The following CYB5R4 variants were observed in gnomAD, a reference collection of about 807,000 sequenced individuals.
CYB5R4 encodes the protein cytochrome b5 reductase 4, also known as N-terminal cytochrome b5 and cytochrome b5 oxidoreductase domain-containing protein.
CYB5R4 carries 55 observed loss-of-function variants against 70.2 expected under a neutral mutation model. That is an observed-to-expected ratio of 0.78 (90% CI 0.63 to 0.98). The LOEUF is 0.98. CYB5R4 is among the 50% of genes least tolerant of loss of function. CYB5R4 has a pLI of 0.00. For missense variants in CYB5R4, 562 were observed against 612.6 expected (o/e 0.92, Z 0.87); for synonymous variants, 197 against 199.5 (o/e 0.99, Z 0.11).
chr6:83,895,362 C>T (rs1056933657), intron 3 of CYB5R4, among the ~76,000 whole-genome samples: 2 of 152,024 alleles, frequency 1.3e-5, no homozygotes, highest in Admixed American at 1.3e-4. Context: ...GATGGGGTTT[C>T]GCCACGTTGA....
At chr6:83,936,484 T>C in intron 12 of CYB5R4, 108 bp downstream of exon 12, 1 of 943,450 alleles carries the variant, frequency 1.1e-6, no homozygotes, top group Non-Finnish European at 1.6e-6. Context: ...ACTCAACATG[T>C]CTACAACCAA....
Position 83,911,209 on chromosome 6 carries a change from A to G in CYB5R4, c.412+2119A>G, listed in dbSNP as rs1360227461. On this transcript the variant is annotated intron_variant, in intron 4 of 15. Coordinates refer to ENST00000369681, the MANE Select transcript of CYB5R4 (RefSeq NM_016230.4). ...TGCTTGAGCCCAGGATTTTGAGACT[A>G]GCTTGGGCAATATAGTGAAACTCTG... Among the ~76,000 whole-genome samples, 3 of 152,158 alleles carry G rather than the reference A, an allele frequency of 2.0e-5. No individual in the cohort carries two copies. In the East Asian group the frequency reaches 5.8e-4, roughly 29 times the overall value.
chr6:83,870,971 C>CTTTTTTTTTTTTTTTTTTT (rs759131653), intron 2 of CYB5R4, among the ~76,000 whole-genome samples: 1 of 88,618 alleles, frequency 1.1e-5, no homozygotes, highest in African/African-American at 4.9e-5. Flanking sequence ...TCATTGTTTG[C>CTTTTTTTTTTTTTTTTTTT]TTTTTTTTTT....
chr6:83,901,690 C>G (rs932786645), intron 3 of CYB5R4, among the ~76,000 whole-genome samples: 1 of 144,622 alleles, frequency 6.9e-6, no homozygotes, highest in Non-Finnish European at 1.5e-5. Context: ...TCCTCACCAG[C>G]GTCTATTATT....
intron 10 of CYB5R4, among the ~76,000 whole-genome samples, chr6:83,931,062 G>A (rs1048534450): frequency 6.6e-6 from 1 of 152,146 alleles, no homozygotes; most frequent in African/African-American, 2.4e-5. Flanking sequence ...TCAGCAATAA[G>A]CCTATTTCGC....
intron 11 of CYB5R4, 93 bp from the exon 12 acceptor site, chr6:83,936,131 T>A (rs933773422): frequency 3.9e-5 from 33 of 846,572 alleles, no homozygotes; most frequent in Middle Eastern, 3.6e-4. Context: ...GTTTTAAATA[T>A]ATACTGATAG....
At position 83,964,797 on chromosome 6, in the gene CYB5R4, C is replaced by T. The variant is rs2099473826; in HGVS notation, c.*4919C>T. 2 of 152,170 alleles carry T rather than the reference C, an allele frequency of 1.3e-5. No individual in the cohort carries two copies. The highest frequency in any genetic ancestry group is 6.5e-5 in the Admixed American group (1 of 15,272). The allele number at this position is 152,170 out of a possible 1,614,324, so 9.4% of individuals were successfully genotyped here. On this transcript the variant is annotated 3_prime_UTR_variant, in exon 16 of 16. Transcript: ENST00000369681. ...AAAATGGTAAAAATGGTTTTGTGGGCAAGGCCTAGGGTCCTTGTGCTGTGT... is the reference window on the plus strand; with the variant it reads ...AAAATGGTAAAAATGGTTTTGTGGGTAAGGCCTAGGGTCCTTGTGCTGTGT...
chr6:83,899,629 G>A (rs189698962), intron 3 of CYB5R4, among the ~76,000 whole-genome samples: 205 of 152,206 alleles, frequency 1.3e-3, no homozygotes, highest in African/African-American at 4.6e-3. Flanking sequence ...ATTAATTATT[G>A]CCTCAATTTC....
rs942942623 is a variant in CYB5R4, at chr6:83,922,307, G to T, written c.659-131G>T. The T allele has an allele frequency of 7.1e-6, 4 of 560,072 alleles. No homozygotes were observed. The Admixed American group carries it at 1.5e-4, about 21-fold the overall frequency. The allele number at this position is 560,072 out of a possible 1,614,324, so 34.7% of individuals were successfully genotyped here. A position where few individuals can be genotyped will look rare whatever the true frequency, so the allele number is the denominator to read the frequency against. On this transcript the variant is annotated intron_variant, in intron 8 of 15. Transcript: ENST00000369681. The stretch of plus-strand genomic sequence containing the variant: ...TATTTTGATTGTGTAAAATTGTTTT[G>T]GTCTTTCAGAACACGTTTTGTCTTG...
At chr6:83,957,777 A>C in intron 15 of CYB5R4, among the ~76,000 whole-genome samples, 1 of 152,016 alleles carries the variant, frequency 6.6e-6, no homozygotes, top group East Asian at 1.9e-4. Flanking sequence ...TCCTGCTATT[A>C]CTCACTCCTG....
intron 10 of CYB5R4, among the ~76,000 whole-genome samples, chr6:83,926,894 C>CT (rs2099467382): frequency 6.6e-6 from 1 of 152,162 alleles, no homozygotes; most frequent in Non-Finnish European, 1.5e-5. Context: ...GCCAGAGGTA[C>CT]TTGGTCCTGC....
intron 15 of CYB5R4, among the ~76,000 whole-genome samples, chr6:83,957,561 G>A (rs868042847): frequency 2.9e-4 from 41 of 142,996 alleles, no homozygotes; most frequent in Middle Eastern, 3.8e-3. Flanking sequence ...GCGGAGGTTG[G>A]CAATGAGCCA....
At chr6:83,934,396 G>A (rs986614296) in intron 10 of CYB5R4, among the ~76,000 whole-genome samples, 199 bp from the exon 11 acceptor site, 1 of 152,018 alleles carries the variant, frequency 6.6e-6, no homozygotes, top group African/African-American at 2.4e-5. Flanking sequence ...GTATTTACAG[G>A]TCTTGGTCAA....
chr6:83,884,465 A>G (rs1016574170), intron 2 of CYB5R4, among the ~76,000 whole-genome samples: 6 of 152,144 alleles, frequency 3.9e-5, no homozygotes, highest in Admixed American at 3.3e-4. Context: ...AAAAAGGGTC[A>G]TTTCATTAGG....
At position 83,966,327 on chromosome 6, in the gene CYB5R4, A is replaced by G. The variant is rs1295448510; in HGVS notation, c.*6449A>G. The G allele has an allele frequency of 3.3e-5, 5 of 152,346 alleles. No individual in the cohort carries two copies. The highest frequency in any genetic ancestry group is 4.4e-5 in the Non-Finnish European group (3 of 68,042). 9.4% of individuals were successfully genotyped at this position (152,346 alleles called of 1,614,324 possible). ...TGTTTTTGGGTACTAAGACTAAACT[A>G]GAAAGAACATAAGAGGAAATACATA... On this transcript the variant is annotated 3_prime_UTR_variant, in exon 16 of 16. Coordinates refer to ENST00000369681, the MANE Select transcript of CYB5R4 (RefSeq NM_016230.4).
intron 3 of CYB5R4, among the ~76,000 whole-genome samples, chr6:83,895,291 G>A (rs1256636307): frequency 1.3e-5 from 2 of 151,950 alleles, no homozygotes; most frequent in Non-Finnish European, 2.9e-5. Context: ...TTAGCCTCCC[G>A]AGTAGCTGAG....
chr6:83,942,371 G>C (rs2099469901), intron 14 of CYB5R4, among the ~76,000 whole-genome samples: 1 of 152,190 alleles, frequency 6.6e-6, no homozygotes, highest in African/African-American at 2.4e-5. Flanking sequence ...AGCTCAAGTG[G>C]TTGGCACTAG....
chr6:83,957,737 A>G (rs1216765083), intron 15 of CYB5R4, among the ~76,000 whole-genome samples: 6 of 151,984 alleles, frequency 3.9e-5, no homozygotes, highest in Admixed American at 2.6e-4. Context: ...AGAGTTGCTC[A>G]GGAGTATTTA....
At chr6:83,939,135 C>T (rs1301530094) in intron 12 of CYB5R4, among the ~76,000 whole-genome samples, 1 of 152,050 alleles carries the variant, frequency 6.6e-6, no homozygotes, top group African/African-American at 2.4e-5. Flanking sequence ...CACGCCCAGC[C>T]CTATTTTCAA....
Sources: gnomAD v4.1 joint callset for allele counts (sites outside exome capture counted in the v4.1 genomes callset) on GRCh38, gnomAD v4.1.1 for gene constraint, MANE v1.5 for transcripts, NCBI Gene and HGNC (gene_info 2026-07-23, HGNC 2026-07-21) for gene names.